The following MUC4 variants were observed in gnomAD, a reference collection of about 807,000 sequenced individuals.
MUC4 encodes mucin 4, cell surface associated.
A neutral mutation model predicts 257.9 loss-of-function variants in MUC4; 202 were observed. That is an observed-to-expected ratio of 0.78 (90% CI 0.70 to 0.88). The LOEUF is 0.88. Among genes scored for constraint, MUC4 ranks in the 40% least tolerant of loss-of-function variants. The pLI is 0.00. For synonymous variants in MUC4, 2,351 were observed against 2,757.1 expected (o/e 0.85, Z 4.62); for missense variants, 5,976 against 6,513.7 (o/e 0.92, Z 2.84).
intron 1 of MUC4, among the ~76,000 whole-genome samples, chr3:195,811,037 C>T (rs1272394117): frequency 6.6e-6 from 1 of 152,130 alleles, no homozygotes; most frequent in Non-Finnish European, 1.5e-5. Flanking sequence ...TTTTCTCTCT[C>T]TTTCGAGCAT....
chr3:195,769,359 C>T (rs887384815), intron 6 of MUC4: 17 of 612,548 alleles, frequency 2.8e-5, no homozygotes, highest in East Asian at 5.7e-5. Flanking sequence ...GCACTTACCA[C>T]GGTGGATTTG....
At chr3:195,763,095 G>C (rs1414078236) in intron 12 of MUC4, 150 bp from the exon 13 acceptor site, 4 of 692,438 alleles carry the variant, frequency 5.8e-6, no homozygotes, top group African/African-American at 3.7e-5. Context: ...GCCAGCCGCC[G>C]TCTACCGTGT....
rs749560797 is a variant in MUC4 at position 195,763,439 on chromosome 3, G to A, written c.14247C>T (p.Pro4749=). 7.1e-6 allele frequency: 10 copies of A among 1,413,116 alleles called. No individual in the cohort carries two copies. The highest frequency in any genetic ancestry group is 3.3e-5 in the South Asian group (2 of 60,240). 87.5% of individuals were successfully genotyped at this position (1,413,116 alleles called of 1,614,324 possible). Residue 4749 remains proline (P), a synonymous_variant, in exon 12 of 25, where the codon CCC becomes CCT. Transcript: ENST00000463781. The stretch of plus-strand genomic sequence containing the variant: ...CCCGGCACCCCTCACTCACCGTGAC[G>A]GGGCCCAGGCTGCTGGAGCGGTACT... ...AAQYRSSSLG[P]VTVQWLLEPH... is the part of the protein sequence containing the mutation.
At chr3:195,751,567 C>T (rs1716451320) in intron 21 of MUC4, 1 of 520,764 alleles carries the variant, frequency 1.9e-6, no homozygotes, top group Non-Finnish European at 3.5e-6. Flanking sequence ...GCCTCTGACA[C>T]ATGACTCATG....
At position 195,765,290 on chromosome 3, in the gene MUC4, C is replaced by G. The variant is rs372065699; in HGVS notation, c.13778G>C (p.Arg4593Pro). ...GTCACCTATGCTGACGGGTTGGAAT[C>G]GTAAGTCCCGTCGTCCCTGCTGCCA... ...CSWQQGRRDL[R>P]FQPVSIGRWG... The change falls in exon 9 of 25, where the codon CGA becomes CCA. Residue 4593 changes from arginine (R) to proline (P), a missense_variant. Arg to Pro is a moderately radical substitution (Grantham distance 103). Coordinates refer to ENST00000463781, the MANE Select transcript of MUC4 (RefSeq NM_018406.7). The G allele has an allele frequency of 1.2e-6, 2 of 1,612,904 alleles. No homozygotes were observed. Among genetic ancestry groups the G allele is most frequent in the African/African-American group, 1.3e-5 (1 of 75,022 alleles).
rs773231733 is a variant in MUC4, at chr3:195,765,120, G to T, written c.13801C>A (p.Arg4601Ser). 1 of 1,611,880 alleles carries T rather than the reference G, an allele frequency of 6.2e-7. No individual in the cohort carries two copies. Among genetic ancestry groups the T allele is most frequent in the Admixed American group, 1.7e-5 (1 of 59,772 alleles). The change falls in exon 10 of 25, where the codon CGC (arginine) becomes AGC (serine). Residue 4601 changes from arginine to serine, a missense_variant and splice_region_variant. By Grantham distance (110) the Arg-to-Ser change is moderately radical. Coordinates refer to ENST00000463781, the MANE Select transcript of MUC4 (RefSeq NM_018406.7). ...DLRFQPVSIG[R>S]WGLGSRQLCS... is the part of the protein sequence containing the mutation. ...AGCTGCCTACTGCCGAGGCCCCAGCGACCTGAAACAAGTCCAGTCCCACTC... is the reference window on the plus strand; with the variant it reads ...AGCTGCCTACTGCCGAGGCCCCAGCTACCTGAAACAAGTCCAGTCCCACTC...
Position 195,788,155 on chromosome 3 carries a change from G to C in MUC4, c.3425C>G (p.Thr1142Ser), listed in dbSNP as rs200763050. The change falls in exon 2 of 25, where the codon ACT becomes AGT. Residue 1142 changes from threonine to serine, a missense_variant. By Grantham distance (58) the Thr-to-Ser change is moderately conservative. Coordinates refer to ENST00000463781, the MANE Select transcript of MUC4 (RefSeq NM_018406.7). ...GHATSLPVTD[T>S]SSVSTGHTTP... ...GGTGTGACCTGTGGATACTGAGGAAGTGTCGGTGACAGGAAGAGAGGTGGC... is the reference window on the plus strand; with the variant it reads ...GGTGTGACCTGTGGATACTGAGGAACTGTCGGTGACAGGAAGAGAGGTGGC... 1,961 of 1,268,454 alleles carry C rather than the reference G, an allele frequency of 1.5e-3. 15 individuals are homozygous for C. The highest frequency in any genetic ancestry group is 6.4e-3 in the African/African-American group (301 of 47,328). The allele number at this position is 1,268,454 out of a possible 1,614,324, so 78.6% of individuals were successfully genotyped here.
intron 7 of MUC4, among the ~76,000 whole-genome samples, chr3:195,768,802 G>A (rs918430105): frequency 6.6e-6 from 1 of 152,214 alleles, no homozygotes; most frequent in Non-Finnish European, 1.5e-5. Context: ...TACAACTCAC[G>A]GGGACTGGGA....
Position 195,761,721 on chromosome 3 carries a change from G to C in MUC4, c.14513-136C>G, listed in dbSNP as rs560173059. The C allele has an allele frequency of 2.8e-5, 19 of 684,128 alleles. No individual in the cohort carries two copies. In the African/African-American group the frequency reaches 3.4e-4, roughly 12 times the overall value. The allele number at this position is 684,128 out of a possible 1,614,324, so 42.4% of individuals were successfully genotyped here. On this transcript the variant is annotated intron_variant, in intron 14 of 24. Transcript: ENST00000463781. ...TGCACCTGCTGTCAGGCCTCCAGGG[G>C]AGCCGGGAGGACGGGCCCTCACACC...
In MUC4 at chr3:195,781,938, G is replaced by C; in HGVS notation, c.9642C>G (p.Ala3214=). The change falls in exon 2 of 25, where the codon GCC becomes GCG. Residue 3214 remains alanine, a synonymous_variant. Coordinates refer to ENST00000463781, the MANE Select transcript of MUC4 (RefSeq NM_018406.7). ...TDASSASTGQ[A]TPLPVTSLSS... is the part of the protein sequence containing the mutation. The stretch of plus-strand genomic sequence containing the variant: ...AAAGGCTGGTGACAGGAAGAGGGGT[G>C]GCCTGACCTGTGGATGCTGAGGAAG... 1 of 1,406,546 alleles carries C rather than the reference G, an allele frequency of 7.1e-7. No individual in the cohort carries two copies. The highest frequency in any genetic ancestry group is 2.6e-5 in the East Asian group (1 of 39,146). 87.1% of individuals were successfully genotyped at this position (1,406,546 alleles called of 1,614,324 possible).
At chr3:195,761,260 A>T in intron 15 of MUC4, 143 bp from the exon 16 acceptor site, 1 of 793,442 alleles carries the variant, frequency 1.3e-6, no homozygotes. Context: ...CTGAGTCTAG[A>T]AACACCTGCT....
At position 195,771,833 on chromosome 3, in the gene MUC4, T is replaced by G; in HGVS notation, c.13078-17A>C. 6.2e-7 allele frequency: 1 copy of G among 1,611,548 alleles called. No individual in the cohort carries two copies. The highest frequency in any genetic ancestry group is 1.7e-5 in the Admixed American group (1 of 59,916). On this transcript the variant is annotated splice_polypyrimidine_tract_variant and intron_variant, in intron 4 of 24. Transcript: ENST00000463781. ...GTCTGTGAACTGAGCACATGGGTTT[T>G]GTGGTCAGCATTCAGGGAGGGAAGT...
intron 1 of MUC4, among the ~76,000 whole-genome samples, chr3:195,795,843 G>C (rs1734506436): frequency 1.7e-5 from 1 of 60,370 alleles, no homozygotes; most frequent in Admixed American, 1.6e-4. Context: ...AAGAAAGTGG[G>C]GGAGGGGGGT....
chr3:195,762,032 T>C, intron 14 of MUC4, 55 bp downstream of exon 14: 1 of 1,522,902 alleles, frequency 6.6e-7, no homozygotes, highest in Non-Finnish European at 8.8e-7. Context: ...GGCGTGGGGG[T>C]CCGAGCTCCG....
chr3:195,762,148 G>C lies in MUC4; in HGVS notation c.14451C>G (p.Asn4817Lys), dbSNP rs1560244298. The change falls in exon 14 of 25, where the codon AAC (asparagine) becomes AAG (lysine). Residue 4817 changes from asparagine to lysine, a missense_variant. Physicochemically the swap from Asn to Lys is moderately conservative, Grantham distance 94. Transcript: ENST00000463781. The stretch of plus-strand genomic sequence containing the variant: ...GGAGGCTGGCGGAGGCGTGGAGGAT[G>C]TTGGAGAGCGCGATCACCGAGACGG... ...WATVSVIALS[N>K]ILHASASLPP... 6.2e-7 allele frequency: 1 copy of C among 1,607,270 alleles called. No individual in the cohort carries two copies. The highest frequency in any genetic ancestry group is 1.1e-5 in the South Asian group (1 of 89,974).
intron 11 of MUC4, 26 bp downstream of exon 11, chr3:195,764,019 T>TCCTGGG: frequency 1.9e-6 from 3 of 1,601,568 alleles, no homozygotes; most frequent in Non-Finnish European, 2.6e-6. Context: ...CAGAGGCTCT[T>TCCTGGG]CCTGGGCCTG....
At position 195,774,272 on chromosome 3, in the gene MUC4, C is replaced by G; in HGVS notation, c.12977G>C (p.Gly4326Ala). The change falls in exon 4 of 25, where the codon GGG (glycine) becomes GCG (alanine). Residue 4326 changes from glycine to alanine, a missense_variant. Physicochemically the swap from Gly to Ala is moderately conservative, Grantham distance 60 (BLOSUM62 0). Around this residue, in one of 44 missense-constraint regions of MUC4, gnomAD observed 233 missense variants for 171.2 expected, o/e 1.36. Transcript: ENST00000463781. ...VSLFPYGAGA[G>A]DLEFVRRTVD... Reference sequence around the variant, plus strand: ...GGTCCTCCTGACGAACTCCAGGTCCCCGGCGCCTGCCCCATAGGGGAAGAG... The same window carrying G: ...GGTCCTCCTGACGAACTCCAGGTCCGCGGCGCCTGCCCCATAGGGGAAGAG... 6.3e-7 allele frequency: 1 copy of G among 1,589,990 alleles called. No homozygotes were observed. Among genetic ancestry groups the G allele is most frequent in the Non-Finnish European group, 8.5e-7 (1 of 1,169,792 alleles).
chr3:195,749,065 CTGTCGGGAAGGACACAGAT>C lies in MUC4; in HGVS notation c.15872-20_15872-2del. 1 of 1,607,278 alleles carries C rather than the reference CTGTCGGGAAGGACACAGAT, an allele frequency of 6.2e-7. No homozygotes were observed. The highest frequency in any genetic ancestry group is 8.5e-7 in the Non-Finnish European group (1 of 1,175,990). On this transcript the variant is annotated splice_acceptor_variant and splice_polypyrimidine_tract_variant and intron_variant, in intron 23 of 24. Coordinates refer to ENST00000463781, the MANE Select transcript of MUC4 (RefSeq NM_018406.7). LOFTEE classifies it high-confidence loss of function. ...TAAGCCTTCAGCGTGCTCACGTTCA[CTGTCGGGAAGGACACAGAT>C]TAACACAGAAAGCAACCGATGAACA...
intron 24 of MUC4, among the ~76,000 whole-genome samples, chr3:195,748,477 T>A (rs1343028225): frequency 6.6e-6 from 1 of 152,238 alleles, no homozygotes; most frequent in Non-Finnish European, 1.5e-5. Context: ...GGCAGGAGAA[T>A]CGCTTGAACG....
Sources: allele counts gnomAD v4.1 joint callset (sites outside exome capture counted in the v4.1 genomes callset), GRCh38; gene constraint gnomAD v4.1.1; regional missense constraint gnomAD v4.1.1; transcripts MANE v1.5; gene names NCBI Gene and HGNC (gene_info 2026-07-23, HGNC 2026-07-21).